The following SLC24A2 variants were observed in gnomAD, a reference collection of about 807,000 sequenced individuals.
SLC24A2 encodes the protein sodium/potassium/calcium exchanger 2.
SLC24A2 carries 36 observed loss-of-function variants against 62.0 expected under a neutral mutation model. That is an observed-to-expected ratio of 0.58 (90% CI 0.44 to 0.77). The LOEUF (loss-of-function observed/expected upper bound fraction) is 0.77. Among genes scored for constraint, SLC24A2 ranks in the 30% least tolerant of loss-of-function variants. The pLI, the probability that SLC24A2 is intolerant of heterozygous loss-of-function variation, is 0.00. For synonymous variants in SLC24A2, 358 were observed against 294.0 expected (o/e 1.22, Z -2.23); for missense variants, 846 against 817.9 (o/e 1.03, Z -0.42).
At chr9:20,034,171 A>G in the SLC24A2 span, among the ~76,000 whole-genome samples, 10 of 152,172 alleles carry the variant, frequency 6.6e-5, no homozygotes, top group Non-Finnish European at 1.3e-4. Flanking sequence ...CTGCTTGATT[A>G]TCTACACGAC....
the SLC24A2 span, among the ~76,000 whole-genome samples, chr9:20,210,595 T>TC: frequency 7.2e-6 from 1 of 138,064 alleles, no homozygotes; most frequent in Non-Finnish European, 1.5e-5. Context: ...TGCCTCAGCC[T>TC]CCCGAGTAGC....
At chr9:19,750,549 A>G (rs369420573) in intron 2 of SLC24A2, among the ~76,000 whole-genome samples, 19 of 152,172 alleles carry the variant, frequency 1.2e-4, no homozygotes, top group African/African-American at 4.6e-4. Context: ...TCTGATCTCA[A>G]CAACAGCAAA....
At chr9:19,863,160 T>C in the SLC24A2 span, among the ~76,000 whole-genome samples, 1,349 of 152,090 alleles carry the variant, frequency 8.9e-3, 26 homozygotes, top group African/African-American at 0.031. Flanking sequence ...CGCTATAGAA[T>C]GGTAAAGGGG....
At chr9:19,628,566 A>C (rs927711324) in intron 2 of SLC24A2, among the ~76,000 whole-genome samples, 49 of 152,182 alleles carry the variant, frequency 3.2e-4, no homozygotes, top group African/African-American at 1.1e-3. Flanking sequence ...AATTCTCACA[A>C]TTGCTAATGA....
At chr9:19,584,300 A>AAAAAC (rs1554682263) in intron 5 of SLC24A2, among the ~76,000 whole-genome samples, 5 of 151,540 alleles carry the variant, frequency 3.3e-5, no homozygotes, top group African/African-American at 9.7e-5. Context: ...AAAACAAACA[A>AAAAAC]AAAACAAAAC....
In SLC24A2 at chr9:19,510,418, A is replaced by C. The variant is rs190729626; in HGVS notation, c.*5735T>G. 2.2e-5 allele frequency: 3 copies of C among 139,214 alleles called. No homozygotes were observed. Among genetic ancestry groups the C allele is most frequent in the African/African-American group, 8.0e-5 (3 of 37,394 alleles). The allele number at this position is 139,214 out of a possible 1,614,324, so 8.6% of individuals were successfully genotyped here. On this transcript the variant is annotated 3_prime_UTR_variant, in exon 11 of 11. Transcript: ENST00000341998. ...GGGGCAAAGAGTGAAGAGTGCCCAGATGCAGTTACTTTTTGCCAAAAAAAA... is the reference window on the plus strand; with the variant it reads ...GGGGCAAAGAGTGAAGAGTGCCCAGCTGCAGTTACTTTTTGCCAAAAAAAA...
chr9:20,074,278 G>A, the SLC24A2 span, among the ~76,000 whole-genome samples: 6 of 152,024 alleles, frequency 3.9e-5, no homozygotes, highest in South Asian at 1.2e-3. Context: ...CTCCAGGGAA[G>A]CTTTCATTTT....
chr9:19,781,600 G>A (rs1432731030), intron 2 of SLC24A2, among the ~76,000 whole-genome samples: 2 of 152,086 alleles, frequency 1.3e-5, no homozygotes, highest in Non-Finnish European at 2.9e-5. Flanking sequence ...GATAAGTAGA[G>A]GGAAACAAAA....
chr9:19,954,899 A>C, the SLC24A2 span, among the ~76,000 whole-genome samples: 1 of 152,194 alleles, frequency 6.6e-6, no homozygotes, highest in Admixed American at 6.5e-5. Context: ...TTAAATCAGC[A>C]AACTGACATC....
At chr9:20,146,973 T>C in the SLC24A2 span, among the ~76,000 whole-genome samples, 1 of 152,104 alleles carries the variant, frequency 6.6e-6, no homozygotes, top group Non-Finnish European at 1.5e-5. Flanking sequence ...CCACTCTTGC[T>C]CTCCTTGATA....
the SLC24A2 span, among the ~76,000 whole-genome samples, chr9:20,116,350 G>T: frequency 6.6e-6 from 1 of 152,090 alleles, no homozygotes; most frequent in South Asian, 2.1e-4. Context: ...GAACCCTTAA[G>T]CACTTTATGA....
chr9:19,612,092 G>A (rs1837190099), intron 4 of SLC24A2, among the ~76,000 whole-genome samples: 1 of 152,112 alleles, frequency 6.6e-6, no homozygotes. Flanking sequence ...TCTCTCTCAT[G>A]GGCTTGCTGA....
At chr9:19,799,290 T>C in the SLC24A2 span, among the ~76,000 whole-genome samples, 17 of 152,198 alleles carry the variant, frequency 1.1e-4, no homozygotes, top group South Asian at 1.2e-3. Context: ...TGAGAGAAAA[T>C]ACTTTGCTGA....
At chr9:19,851,288 G>T in the SLC24A2 span, among the ~76,000 whole-genome samples, 1 of 151,448 alleles carries the variant, frequency 6.6e-6, no homozygotes, top group Non-Finnish European at 1.5e-5. Context: ...GCCTTCTAAA[G>T]TGCTGGGATT....
At chr9:19,764,787 G>A (rs1822460493) in intron 2 of SLC24A2, among the ~76,000 whole-genome samples, 1 of 152,192 alleles carries the variant, frequency 6.6e-6, no homozygotes, top group Admixed American at 6.5e-5. Flanking sequence ...GATCTGGGGT[G>A]GAGAGTTCTG....
At chr9:20,228,924 G>A in the SLC24A2 span, among the ~76,000 whole-genome samples, 2 of 152,108 alleles carry the variant, frequency 1.3e-5, no homozygotes, top group African/African-American at 4.8e-5. Context: ...GATTCTTCTA[G>A]GAGTCCTAAA....
chr9:19,610,169 T>C (rs958882394), intron 4 of SLC24A2, among the ~76,000 whole-genome samples: 1 of 152,210 alleles, frequency 6.6e-6, no homozygotes, highest in Non-Finnish European at 1.5e-5. Flanking sequence ...AATACAACTG[T>C]TGTTACAATG....
At chr9:19,733,907 C>G (rs1405928525) in intron 2 of SLC24A2, among the ~76,000 whole-genome samples, 1 of 152,044 alleles carries the variant, frequency 6.6e-6, no homozygotes, top group Non-Finnish European at 1.5e-5. Context: ...AATAAATACT[C>G]TTATTTCAGG....
intron 2 of SLC24A2, among the ~76,000 whole-genome samples, chr9:19,772,886 T>A (rs1225903094): frequency 6.6e-6 from 1 of 152,164 alleles, no homozygotes; most frequent in Non-Finnish European, 1.5e-5. Flanking sequence ...CAAACACTTG[T>A]AAGTAAATTT....
Sources: gnomAD v4.1 joint callset for allele counts (sites outside exome capture counted in the v4.1 genomes callset) on GRCh38, gnomAD v4.1.1 for gene constraint, MANE v1.5 for transcripts, NCBI Gene and HGNC (gene_info 2026-07-23, HGNC 2026-07-21) for gene names.